Variants in CHN2 observed in about 807,000 individuals in gnomAD.
CHN2 encodes the protein chimerin 2.
A neutral mutation model predicts 56.3 loss-of-function variants in CHN2; 35 were observed. The observed-to-expected ratio is 0.62, with a 90% CI of 0.47 to 0.82. The LOEUF (loss-of-function observed/expected upper bound fraction) is 0.82. Among genes scored for constraint, CHN2 ranks in the 40% least tolerant of loss-of-function variants. The probability of loss-of-function intolerance (pLI) is 0.00; values close to 1 mark genes in which losing one functional copy is unlikely to be tolerated. For synonymous variants in CHN2, 210 were observed against 212.8 expected (o/e 0.99, Z 0.12); for missense variants, 491 against 580.5 (o/e 0.85, Z 1.58).
chr7:29,189,242 G>A (rs1425885685), intron 2 of CHN2, among the ~76,000 whole-genome samples: 2 of 152,036 alleles, frequency 1.3e-5, no homozygotes, highest in Admixed American at 6.5e-5. Flanking sequence ...GTGAGCCACC[G>A]CGCCCAGCCA....
chr7:29,262,988 T>A (rs542267001), intron 1 of CHN2, among the ~76,000 whole-genome samples: 119 of 152,240 alleles, frequency 7.8e-4, no homozygotes, highest in African/African-American at 2.7e-3. Flanking sequence ...TACCACAATT[T>A]AAAATAAGAA....
upstream of CHN2, among the ~76,000 whole-genome samples, chr7:29,191,291 A>G (rs905438900): frequency 6.6e-6 from 1 of 152,236 alleles, no homozygotes; most frequent in African/African-American, 2.4e-5. Flanking sequence ...AATAAGACAG[A>G]GCATGAGATC....
At chr7:29,344,892 C>T (rs1797310730) in intron 1 of CHN2, among the ~76,000 whole-genome samples, 1 of 152,176 alleles carries the variant, frequency 6.6e-6, no homozygotes, top group Non-Finnish European at 1.5e-5. Context: ...TTGTATGCAT[C>T]CTCTTGCTAT....
chr7:29,336,759 C>CAAAAAAAAAAAAA (rs5883205), intron 1 of CHN2, among the ~76,000 whole-genome samples: 2 of 68,554 alleles, frequency 2.9e-5, no homozygotes, highest in African/African-American at 1.3e-4. Context: ...GATTCTGTCT[C>CAAAAAAAAAAAAA]AAAAAAAAAA....
At chr7:29,506,667 A>G (rs1790602978) in intron 10 of CHN2, among the ~76,000 whole-genome samples, 1 of 152,160 alleles carries the variant, frequency 6.6e-6, no homozygotes, top group Admixed American at 6.5e-5. Context: ...TAAGAAATAT[A>G]ACATCACATA....
At chr7:29,233,020 T>C (rs1786845365) in intron 1 of CHN2, among the ~76,000 whole-genome samples, 1 of 152,214 alleles carries the variant, frequency 6.6e-6, no homozygotes. Flanking sequence ...ATTACTTTTG[T>C]TTACTTAATT....
At chr7:29,194,379 G>C (rs1783324139), upstream of CHN2, 1 of 152,426 alleles carries the variant, frequency 6.6e-6, no homozygotes, top group South Asian at 2.1e-4. Context: ...GCCCGCAGCA[G>C]CCGAACCACC....
intron 1 of CHN2, among the ~76,000 whole-genome samples, chr7:29,346,833 T>C (rs1158382982): frequency 1.3e-5 from 2 of 152,218 alleles, no homozygotes; most frequent in African/African-American, 4.8e-5. Context: ...AGCACATGTG[T>C]TCTTTAATTT....
At chr7:29,390,753 T>C (rs1801300296) in intron 3 of CHN2, among the ~76,000 whole-genome samples, 1 of 152,150 alleles carries the variant, frequency 6.6e-6, no homozygotes, top group Non-Finnish European at 1.5e-5. Context: ...ACACGGAGCC[T>C]TGCCCAGGGA....
chr7:29,486,642 CTTA>C (rs978907096), intron 7 of CHN2, among the ~76,000 whole-genome samples: 16 of 152,214 alleles, frequency 1.1e-4, no homozygotes, highest in Admixed American at 9.8e-4. Context: ...CCTACTTACT[CTTA>C]TATGTCCCCC....
chr7:29,213,160 A>G, intron 1 of CHN2: 3 of 1,475,856 alleles, frequency 2.0e-6, no homozygotes, highest in Non-Finnish European at 2.8e-6. Context: ...AGTACTCCAC[A>G]AACCATGGAT....
At chr7:29,501,045 T>C (rs1003472471) in intron 9 of CHN2, among the ~76,000 whole-genome samples, 2 of 152,240 alleles carry the variant, frequency 1.3e-5, no homozygotes, top group African/African-American at 4.8e-5. Flanking sequence ...TATTCTGTTA[T>C]ACTGGCTATC....
rs1791675323 is a variant in CHN2, at chr7:29,513,059, AAAAGGGAACTTAATTCATAC to A, written c.*326_*345del. ...TTTAAACTTCAGTCTTATTGGTAAT[AAAAGGGAACTTAATTCATAC>A]AGGTACTTGATACAGTTATACATTT... is the stretch of plus-strand genomic sequence containing the variant. On this transcript the variant is annotated 3_prime_UTR_variant, in exon 13 of 13. Transcript: ENST00000222792. 5.1e-6 allele frequency: 1 copy of A among 197,900 alleles called. No individual in the cohort carries two copies. The highest frequency in any genetic ancestry group is 2.3e-5 in the African/African-American group (1 of 43,184). The allele number at this position is 197,900 out of a possible 1,614,324, so 12.3% of individuals were successfully genotyped here.
At chr7:29,256,298 G>A (rs1432327076) in intron 1 of CHN2, among the ~76,000 whole-genome samples, 1 of 152,210 alleles carries the variant, frequency 6.6e-6, no homozygotes, top group Non-Finnish European at 1.5e-5. Flanking sequence ...TCATGTGACA[G>A]TATGAGAACA....
intron 1 of CHN2, among the ~76,000 whole-genome samples, chr7:29,347,845 G>A (rs1436505859): frequency 6.6e-6 from 1 of 152,198 alleles, no homozygotes; most frequent in Non-Finnish European, 1.5e-5. Context: ...ATCTATGTGC[G>A]CTGACATGGA....
chr7:29,157,822 A>G (rs1211516199), intron 2 of CHN2, among the ~76,000 whole-genome samples: 1 of 146,404 alleles, frequency 6.8e-6, no homozygotes, highest in Non-Finnish European at 1.5e-5. Flanking sequence ...TCAAAGAGGC[A>G]CTTAGGAGGA....
chr7:29,209,296 C>T (rs976086486), intron 1 of CHN2, among the ~76,000 whole-genome samples: 3 of 152,088 alleles, frequency 2.0e-5, no homozygotes, highest in Admixed American at 1.3e-4. Flanking sequence ...CTAAGGCCAC[C>T]AACAAAACAC....
At chr7:29,464,273 G>A (rs1017852601) in intron 6 of CHN2, among the ~76,000 whole-genome samples, 7 of 152,180 alleles carry the variant, frequency 4.6e-5, no homozygotes, top group Non-Finnish European at 8.8e-5. Flanking sequence ...GTACTGGTAG[G>A]TATTCATTGG....
intron 2 of CHN2, among the ~76,000 whole-genome samples, chr7:29,156,180 C>T (rs987024111): frequency 6.6e-6 from 1 of 152,126 alleles, no homozygotes; most frequent in Non-Finnish European, 1.5e-5. Flanking sequence ...ATCTTCCATT[C>T]CCCCACTGGA....
Sources: gnomAD v4.1 joint callset for allele counts (sites outside exome capture counted in the v4.1 genomes callset) on GRCh38, gnomAD v4.1.1 for gene constraint, MANE v1.5 for transcripts, NCBI Gene and HGNC (gene_info 2026-07-23, HGNC 2026-07-21) for gene names.